ACOT13: variants seen among roughly 807,000 people sequenced by gnomAD.
The protein encoded by ACOT13 is acyl-coenzyme A thioesterase 13.
ACOT13 carries 10 observed loss-of-function variants against 11.8 expected under a neutral mutation model. The observed-to-expected ratio is 0.85, with a 90% CI of 0.53 to 1.44. The LOEUF (loss-of-function observed/expected upper bound fraction) is 1.44, where lower values mean the gene tolerates loss of function less well. ACOT13 is among the 40% of genes most tolerant of loss of function. The pLI is 0.00. For missense variants in ACOT13, 172 were observed against 174.1 expected, an observed-to-expected ratio of 0.99 and a Z score of 0.07; for synonymous variants, 53 against 61.0, an observed-to-expected ratio of 0.87 and a Z score of 0.61.
chr6:24,691,435 T>C (rs1778716301), intron 1 of ACOT13, among the ~76,000 whole-genome samples: 1 of 151,932 alleles, frequency 6.6e-6, no homozygotes, highest in Non-Finnish European at 1.5e-5. Flanking sequence ...CTAAACAAAA[T>C]AGGTAAAGAG....
At position 24,704,568 on chromosome 6, in the gene ACOT13, TA is replaced by T. The variant is rs1778960862; in HGVS notation, c.*2955del. ...AAGAGCTTAGAAGAGTACCTGGTTA[TA>T]ATAAACATTCAAAATGTTATTTCAA... On this transcript the variant is annotated 3_prime_UTR_variant, in exon 3 of 3. Coordinates refer to ENST00000230048, the MANE Select transcript of ACOT13 (RefSeq NM_018473.4). 1 of 152,236 alleles carries T rather than the reference TA, an allele frequency of 6.6e-6. No homozygotes were observed. The highest frequency in any genetic ancestry group is 2.4e-5 in the African/African-American group (1 of 41,464). 9.4% of individuals were successfully genotyped at this position (152,236 alleles called of 1,614,324 possible). A position where few individuals can be genotyped will look rare whatever the true frequency, so the allele number is the denominator to read the frequency against.
intron 1 of ACOT13, among the ~76,000 whole-genome samples, chr6:24,673,642 G>A (rs994053246): frequency 1.3e-5 from 2 of 152,008 alleles, no homozygotes; most frequent in Non-Finnish European, 2.9e-5. Context: ...ATTACAGGCA[G>A]AAGCCACCAT....
intron 1 of ACOT13, among the ~76,000 whole-genome samples, chr6:24,692,138 T>TA (rs1367647681): frequency 6.6e-6 from 1 of 151,982 alleles, no homozygotes; most frequent in African/African-American, 2.4e-5. Context: ...CTCTAAGACT[T>TA]AAGAGCCAGC....
At position 24,701,240 on chromosome 6, in the gene ACOT13, A is replaced by G. The variant is rs533205702; in HGVS notation, c.267-219A>G. The G allele has an allele frequency of 1.4e-5, 5 of 347,450 alleles. No homozygotes were observed. In the South Asian group the frequency reaches 5.0e-4, roughly 35 times the overall value. 21.5% of individuals were successfully genotyped at this position (347,450 alleles called of 1,614,324 possible). On this transcript the variant is annotated intron_variant, in intron 2 of 2. Coordinates refer to ENST00000230048, the MANE Select transcript of ACOT13 (RefSeq NM_018473.4). The stretch of plus-strand genomic sequence containing the variant: ...AGGGGAGGCAAGAAAACCTCTTCTC[A>G]CATATTTGGGAAAAGAAACTTGTGT...
intron 1 of ACOT13, among the ~76,000 whole-genome samples, chr6:24,677,119 T>C (rs556806606): frequency 6.6e-6 from 1 of 152,344 alleles, no homozygotes; most frequent in East Asian, 1.9e-4. Context: ...GTCCTTTTTC[T>C]GCAAAGGAAC....
At chr6:24,675,360 T>A (rs1032083520) in intron 1 of ACOT13, among the ~76,000 whole-genome samples, 2 of 152,188 alleles carry the variant, frequency 1.3e-5, no homozygotes, top group Non-Finnish European at 2.9e-5. Context: ...TGTAAAAGTG[T>A]TCCTATTTCT....
intron 2 of ACOT13, 68 bp from the exon 3 acceptor site, chr6:24,701,391 T>C: frequency 7.0e-7 from 1 of 1,429,574 alleles, no homozygotes; most frequent in Non-Finnish European, 9.6e-7. Context: ...AGGAACACTG[T>C]TGTGAGATGC....
intron 1 of ACOT13, among the ~76,000 whole-genome samples, chr6:24,691,711 C>T (rs1778720303): frequency 1.3e-5 from 2 of 152,258 alleles, no homozygotes; most frequent in African/African-American, 4.8e-5. Context: ...TGTAAAGGCC[C>T]TCAGACTTTC....
In ACOT13 at chr6:24,667,132, G is replaced by T. The variant is rs1305827906; in HGVS notation, c.-132G>T. 2.0e-6 allele frequency: 2 copies of T among 985,616 alleles called. No homozygotes were observed. The highest frequency in any genetic ancestry group is 1.5e-6 in the Non-Finnish European group (1 of 668,970). The allele number at this position is 985,616 out of a possible 1,614,324, so 61.1% of individuals were successfully genotyped here. ...CAGCTCGCCTGACTCCCGGCCTCTT[G>T]CGCTCCTAGGGGCGGAGAAGGGTGC... On this transcript the variant is annotated 5_prime_UTR_variant, in exon 1 of 3. Coordinates refer to ENST00000230048, the MANE Select transcript of ACOT13 (RefSeq NM_018473.4).
intron 1 of ACOT13, among the ~76,000 whole-genome samples, chr6:24,689,558 T>C (rs573618106): frequency 6.6e-6 from 1 of 152,298 alleles, no homozygotes; most frequent in Admixed American, 6.5e-5. Flanking sequence ...ATGATCCCAT[T>C]TTTGTAATTG....
intron 1 of ACOT13, among the ~76,000 whole-genome samples, chr6:24,673,940 T>C (rs1333168037): frequency 2.0e-5 from 3 of 152,248 alleles, no homozygotes; most frequent in Admixed American, 6.5e-5. Flanking sequence ...ATTTCTAAGC[T>C]TTCTTACCAC....
In ACOT13 at chr6:24,703,104, T is replaced by G. The variant is rs904659857; in HGVS notation, c.*1489T>G. ...GTTGCCCAGCCTCGTCTCAAACTCC[T>G]AGGCTCAAGCAATCCTCCTGCCTTG... is the stretch of plus-strand genomic sequence containing the variant. On this transcript the variant is annotated 3_prime_UTR_variant, in exon 3 of 3. Transcript: ENST00000230048. 6.6e-6 allele frequency: 1 copy of G among 152,376 alleles called. No homozygotes were observed. The highest frequency in any genetic ancestry group is 1.5e-5 in the Non-Finnish European group (1 of 68,192). 9.4% of individuals were successfully genotyped at this position (152,376 alleles called of 1,614,324 possible).
At chr6:24,679,226 C>CT (rs199804424) in intron 1 of ACOT13, among the ~76,000 whole-genome samples, 108 of 151,554 alleles carry the variant, frequency 7.1e-4, no homozygotes, top group African/African-American at 1.9e-3. Flanking sequence ...AAGCAGTGGC[C>CT]TTTTTTTTTA....
chr6:24,689,773 G>T (rs2143337), intron 1 of ACOT13, among the ~76,000 whole-genome samples: 116,547 of 152,052 alleles, frequency 0.77, 45,383 homozygotes, highest in African/African-American at 0.9. Context: ...GTTAGATGGC[G>T]CAGAGATAGG....
intron 1 of ACOT13, among the ~76,000 whole-genome samples, chr6:24,672,592 T>C (rs1242777068): frequency 2.0e-5 from 3 of 152,182 alleles, no homozygotes; most frequent in East Asian, 1.9e-4. Flanking sequence ...TGAGCTGAGA[T>C]TGAGCCACTG....
chr6:24,698,308 C>T (rs74318249), intron 2 of ACOT13, among the ~76,000 whole-genome samples: 3,446 of 152,138 alleles, frequency 0.023, 117 homozygotes, highest in African/African-American at 0.067. Context: ...TTCAAAAGAG[C>T]AACATTCAGC....
chr6:24,677,649 G>T (rs1476244895), intron 1 of ACOT13, among the ~76,000 whole-genome samples: 1 of 152,222 alleles, frequency 6.6e-6, no homozygotes, highest in Non-Finnish European at 1.5e-5. Context: ...TGGGGCTTGG[G>T]TTAGGGCCTT....
rs1004132175 is a variant in ACOT13 at position 24,703,135 on chromosome 6, C to G, written c.*1520C>G. On this transcript the variant is annotated 3_prime_UTR_variant, in exon 3 of 3. Coordinates refer to ENST00000230048, the MANE Select transcript of ACOT13 (RefSeq NM_018473.4). Reference sequence around the variant, plus strand: ...CAAGCAATCCTCCTGCCTTGGCCCCCCAAGTACTGGACTTACAGGTGTGAA... The same window carrying G: ...CAAGCAATCCTCCTGCCTTGGCCCCGCAAGTACTGGACTTACAGGTGTGAA... The G allele has an allele frequency of 1.3e-5, 2 of 152,312 alleles. No individual in the cohort carries two copies. The highest frequency in any genetic ancestry group is 4.8e-5 in the African/African-American group (2 of 41,440). The allele number at this position is 152,312 out of a possible 1,614,324, so 9.4% of individuals were successfully genotyped here. A position where few individuals can be genotyped will look rare whatever the true frequency, so the allele number is the denominator to read the frequency against.
rs1308143962 is a variant in ACOT13 at position 24,697,944 on chromosome 6, A to ATACCAGTG, written c.148_149insGTGTACCA (p.Asn50SerfsTer6). ...TGTGAAATGAAAGTAGAAGAAGAGC[A>ATACCAGTG]TACCAATGCAATAGGCACTCTCCAC... On this transcript the variant is annotated frameshift_variant, in exon 2 of 3. Coordinates refer to ENST00000230048, the MANE Select transcript of ACOT13 (RefSeq NM_018473.4). LOFTEE classifies it high-confidence loss of function. The ATACCAGTG allele has an allele frequency of 8.7e-6, 14 of 1,613,794 alleles. No individual in the cohort carries two copies. Among genetic ancestry groups the ATACCAGTG allele is most frequent in the Non-Finnish European group, 1.1e-5 (13 of 1,179,936 alleles).
Sources: allele counts gnomAD v4.1 joint callset (sites outside exome capture counted in the v4.1 genomes callset), GRCh38; gene constraint gnomAD v4.1.1; transcripts MANE v1.5; gene names NCBI Gene and HGNC (gene_info 2026-07-23, HGNC 2026-07-21).